C1orf21: variants seen among roughly 807,000 people sequenced by gnomAD.
The protein encoded by C1orf21 is chromosome 1 open reading frame 21, also known as uncharacterized protein C1orf21.
In C1orf21, 3 loss-of-function variants were observed where a neutral mutation model predicts 18.7. The observed-to-expected ratio is 0.16, with a 90% CI of 0.07 to 0.42. The LOEUF (loss-of-function observed/expected upper bound fraction) is 0.42, where lower values mean the gene tolerates loss of function less well. Among genes scored for constraint, C1orf21 ranks in the 10% least tolerant of loss-of-function variants. The pLI, the probability that C1orf21 is intolerant of heterozygous loss-of-function variation, is 0.99. For synonymous variants in C1orf21, 41 were observed against 46.4 expected (o/e 0.88, Z 0.47); for missense variants, 104 against 143.6 (o/e 0.72, Z 1.41).
chr1:184,440,110 G>A (rs1656921367), intron 1 of C1orf21, among the ~76,000 whole-genome samples: 1 of 152,144 alleles, frequency 6.6e-6, no homozygotes, highest in Non-Finnish European at 1.5e-5. Flanking sequence ...AGGGTGGTAG[G>A]AAGTGATTTC....
At position 184,533,894 on chromosome 1, in the gene C1orf21, A is replaced by G. The variant is rs1317799156; in HGVS notation, c.189+26212A>G. Among the ~76,000 whole-genome samples, 3 of 152,292 alleles carry G rather than the reference A, an allele frequency of 2.0e-5. 1 individual carries two copies. The highest frequency in any genetic ancestry group is 3.9e-4 in the East Asian group (2 of 5,172). On this transcript the variant is annotated intron_variant, in intron 3 of 5. Coordinates refer to ENST00000235307, the MANE Select transcript of C1orf21 (RefSeq NM_030806.4). ...CTTGGGCTGCCTTTGTTTCTTTGCC[A>G]TATCCAGACTTGTACTTGGTCCATG... is the stretch of plus-strand genomic sequence containing the variant.
chr1:184,611,926 G>A lies in C1orf21; in HGVS notation c.328-7592G>A, dbSNP rs536111945. Among the ~76,000 whole-genome samples the A allele has an allele frequency of 3.9e-5, 6 of 152,196 alleles. No individual in the cohort carries two copies. The South Asian group carries it at 6.2e-4, about 16-fold the overall frequency. ...GTACAATATACACTGCTTGGGTGAT[G>A]GGTGCACTAAAATCTCAGAATTCAC... On this transcript the variant is annotated intron_variant, in intron 5 of 5. Coordinates refer to ENST00000235307, the MANE Select transcript of C1orf21 (RefSeq NM_030806.4).
chr1:184,571,306 A>G (rs1017180001), intron 3 of C1orf21, among the ~76,000 whole-genome samples: 1 of 151,660 alleles, frequency 6.6e-6, no homozygotes, highest in African/African-American at 2.4e-5. Flanking sequence ...CAAAAAAAAA[A>G]AAAAAAAAAA....
chr1:184,587,482 G>A (rs769553523), intron 3 of C1orf21, among the ~76,000 whole-genome samples: 4 of 149,252 alleles, frequency 2.7e-5, no homozygotes, highest in African/African-American at 7.4e-5. Flanking sequence ...TGTAGTTCTC[G>A]TAGAAATCTT....
rs537240516 is a variant in C1orf21, at chr1:184,520,761, G to A, written c.189+13079G>A. On this transcript the variant is annotated intron_variant, in intron 3 of 5. Coordinates refer to ENST00000235307, the MANE Select transcript of C1orf21 (RefSeq NM_030806.4). The stretch of plus-strand genomic sequence containing the variant: ...TTTTAAAATTAACCTTTCTCTGTTT[G>A]TAAACATACTACTTGCTTGAATTAC... 3.3e-5 allele frequency among the ~76,000 whole-genome samples: 5 copies of A among 152,164 alleles called. No homozygotes were observed. The East Asian group carries it at 9.6e-4, about 29-fold the overall frequency.
At position 184,426,393 on chromosome 1, in the gene C1orf21, C is replaced by T. The variant is rs895272342; in HGVS notation, c.-125+39025C>T. On this transcript the variant is annotated intron_variant, in intron 1 of 5. Transcript: ENST00000235307. ...TTTTAAAGAGCCCGTCTGATTACAT[C>T]GCTCCCCTGCTTCAAACCCTTCAGT... is the stretch of plus-strand genomic sequence containing the variant. 2.6e-5 allele frequency among the ~76,000 whole-genome samples: 4 copies of T among 152,148 alleles called. No homozygotes were observed. In the East Asian group the frequency reaches 5.8e-4, roughly 22 times the overall value.
chr1:184,427,345 G>A (rs1656658103), intron 1 of C1orf21, among the ~76,000 whole-genome samples: 1 of 152,160 alleles, frequency 6.6e-6, no homozygotes, highest in Non-Finnish European at 1.5e-5. Context: ...AATCTGACAT[G>A]TCTCTGTTTG....
chr1:184,467,557 C>A (rs114747471), intron 1 of C1orf21, among the ~76,000 whole-genome samples: 69 of 152,304 alleles, frequency 4.5e-4, no homozygotes, highest in African/African-American at 1.6e-3. Context: ...ACTTCTGCTG[C>A]AGAACTGCTG....
At chr1:184,533,831 G>A (rs1348657705) in intron 3 of C1orf21, among the ~76,000 whole-genome samples, 1 of 152,170 alleles carries the variant, frequency 6.6e-6, no homozygotes, top group Non-Finnish European at 1.5e-5. Flanking sequence ...GGTATGTGAC[G>A]GAGCATTTTC....
chr1:184,567,196 G>T, intron 3 of C1orf21: 1 of 471,908 alleles, frequency 2.1e-6, no homozygotes, highest in Non-Finnish European at 4.3e-6. Context: ...ATAGCCTAAG[G>T]CACACAATGG....
intron 1 of C1orf21, among the ~76,000 whole-genome samples, chr1:184,423,501 G>A (rs1656581705): frequency 6.6e-6 from 1 of 152,144 alleles, no homozygotes; most frequent in African/African-American, 2.4e-5. Flanking sequence ...GAGTAGGAGG[G>A]TGACATCAAC....
intron 1 of C1orf21, among the ~76,000 whole-genome samples, chr1:184,420,304 T>A (rs558118515): frequency 8.3e-4 from 125 of 149,932 alleles, no homozygotes; most frequent in Non-Finnish European, 1.6e-3. Flanking sequence ...TGTGGGGGGG[T>A]GGGCTGGTTT....
chr1:184,490,829 A>G (rs971698360), intron 2 of C1orf21, among the ~76,000 whole-genome samples: 2 of 152,164 alleles, frequency 1.3e-5, no homozygotes, highest in Non-Finnish European at 2.9e-5. Flanking sequence ...AGGAAGGGTT[A>G]GTAATGATTA....
chr1:184,511,438 G>A (rs1471261727), intron 3 of C1orf21, among the ~76,000 whole-genome samples: 2 of 152,190 alleles, frequency 1.3e-5, no homozygotes, highest in African/African-American at 2.4e-5. Context: ...TGAGCAAGCA[G>A]AGCTTTAGGA....
chr1:184,573,532 A>G (rs1185329342), intron 3 of C1orf21, among the ~76,000 whole-genome samples: 1 of 152,232 alleles, frequency 6.6e-6, no homozygotes, highest in Non-Finnish European at 1.5e-5. Flanking sequence ...AATAACTCCA[A>G]AAACGGTTTG....
chr1:184,521,334 G>C (rs886065567), intron 3 of C1orf21, among the ~76,000 whole-genome samples: 3 of 152,164 alleles, frequency 2.0e-5, no homozygotes, highest in Non-Finnish European at 2.9e-5. Flanking sequence ...TTATGTGAAT[G>C]TTGGTAACAG....
intron 1 of C1orf21, among the ~76,000 whole-genome samples, chr1:184,399,388 G>T (rs945068888): frequency 4.3e-5 from 6 of 139,398 alleles, no homozygotes; most frequent in Non-Finnish European, 9.1e-5. Flanking sequence ...TTTGAGACAA[G>T]GTCTGACTCT....
At chr1:184,492,069 A>G (rs1055225229) in intron 2 of C1orf21, among the ~76,000 whole-genome samples, 1 of 152,176 alleles carries the variant, frequency 6.6e-6, no homozygotes, top group Non-Finnish European at 1.5e-5. Context: ...CTGTAAGCAA[A>G]CCTTCACAGA....
chr1:184,464,486 C>A (rs1441645321), intron 1 of C1orf21, among the ~76,000 whole-genome samples: 3 of 152,182 alleles, frequency 2.0e-5, no homozygotes, highest in Non-Finnish European at 4.4e-5. Flanking sequence ...AAAGACAGTC[C>A]CCTGCTCACC....
Sources: gnomAD v4.1 joint callset for allele counts (sites outside exome capture counted in the v4.1 genomes callset) on GRCh38, gnomAD v4.1.1 for gene constraint, MANE v1.5 for transcripts, NCBI Gene and HGNC (gene_info 2026-07-23, HGNC 2026-07-21) for gene names.